NECAB1: variants seen among roughly 807,000 people sequenced by gnomAD.
The protein encoded by NECAB1 is N-terminal EF-hand calcium-binding protein 1.
A neutral mutation model predicts 57.5 loss-of-function variants in NECAB1; 29 were observed. That is an observed-to-expected ratio of 0.50 (90% CI 0.38 to 0.69). The LOEUF (loss-of-function observed/expected upper bound fraction) is 0.69. Ranked by LOEUF, NECAB1 falls within the 30% of genes least tolerant of loss-of-function variation. NECAB1 has a pLI of 0.00. For synonymous variants in NECAB1, 142 were observed against 147.7 expected, an observed-to-expected ratio of 0.96 and a Z score of 0.28; for missense variants, 372 against 413.8, an observed-to-expected ratio of 0.90 and a Z score of 0.88.
intron 8 of NECAB1, among the ~76,000 whole-genome samples, chr8:90,933,953 C>T (rs548766680): frequency 3.9e-5 from 6 of 152,200 alleles, no homozygotes; most frequent in African/African-American, 1.4e-4. Context: ...ATAAAGCAGA[C>T]TGTTAGGCTT....
intron 2 of NECAB1, chr8:90,806,418 A>G (rs760270560): frequency 1.3e-5 from 2 of 152,256 alleles, no homozygotes; most frequent in Non-Finnish European, 2.9e-5. Flanking sequence ...ATGCATAACC[A>G]ACAATTTCAC....
At chr8:90,889,734 C>G (rs1175830125) in intron 5 of NECAB1, among the ~76,000 whole-genome samples, 1 of 152,192 alleles carries the variant, frequency 6.6e-6, no homozygotes, top group Non-Finnish European at 1.5e-5. Context: ...CTGGCTTTCT[C>G]TAAAGAAGTG....
At chr8:90,952,860 T>G (rs1378998532) in intron 12 of NECAB1, among the ~76,000 whole-genome samples, 1 of 152,044 alleles carries the variant, frequency 6.6e-6, no homozygotes, top group Non-Finnish European at 1.5e-5. Context: ...TAAATATGAC[T>G]GCTGCAAGCT....
intron 5 of NECAB1, among the ~76,000 whole-genome samples, chr8:90,895,426 C>G (rs1293236153): frequency 6.6e-6 from 1 of 152,116 alleles, no homozygotes; most frequent in Non-Finnish European, 1.5e-5. Flanking sequence ...AAGAAACAAA[C>G]CAAAGGCATG....
intron 9 of NECAB1, among the ~76,000 whole-genome samples, chr8:90,938,367 TGC>T (rs763115190): frequency 2.6e-5 from 4 of 152,134 alleles, no homozygotes; most frequent in Non-Finnish European, 5.9e-5. Flanking sequence ...CATGACAGAG[TGC>T]TCTGAGCTAA....
intron 3 of NECAB1, 99 bp from the exon 4 acceptor site, chr8:90,872,029 T>C (rs1808630096): frequency 8.0e-6 from 7 of 880,222 alleles, no homozygotes; most frequent in Non-Finnish European, 1.2e-5. Flanking sequence ...CATCAATTAA[T>C]AATATAGCTT....
chr8:90,796,219 T>A (rs1811659193), intron 1 of NECAB1, among the ~76,000 whole-genome samples: 1 of 152,122 alleles, frequency 6.6e-6, no homozygotes, highest in South Asian at 2.1e-4. Context: ...CCCACCCTGG[T>A]AATGGGAGAG....
At chr8:90,900,190 A>G (rs1809466825) in intron 5 of NECAB1, among the ~76,000 whole-genome samples, 1 of 152,174 alleles carries the variant, frequency 6.6e-6, no homozygotes, top group Admixed American at 6.6e-5. Flanking sequence ...GTCTTTATAT[A>G]CCAATATGGG....
At chr8:90,847,993 C>T (rs1298115972) in intron 3 of NECAB1, among the ~76,000 whole-genome samples, 1 of 152,226 alleles carries the variant, frequency 6.6e-6, no homozygotes, top group East Asian at 1.9e-4. Flanking sequence ...GTTACTTATG[C>T]AAATTTCTGT....
chr8:90,880,523 A>G (rs1341813330), intron 4 of NECAB1, among the ~76,000 whole-genome samples: 2 of 127,514 alleles, frequency 1.6e-5, no homozygotes, highest in Non-Finnish European at 3.1e-5. Context: ...TTCTCTGCCC[A>G]AATTGTTGGA....
intron 4 of NECAB1, among the ~76,000 whole-genome samples, chr8:90,873,721 G>C (rs145070551): frequency 6.6e-6 from 1 of 152,228 alleles, no homozygotes; most frequent in African/African-American, 2.4e-5. Context: ...ACACTAAGTG[G>C]TTCTTCTTTA....
chr8:90,864,639 T>C (rs1309292936), intron 3 of NECAB1, among the ~76,000 whole-genome samples: 1 of 151,942 alleles, frequency 6.6e-6, no homozygotes, highest in Non-Finnish European at 1.5e-5. Context: ...TTCTAAAGAT[T>C]TGGGGTCATT....
intron 4 of NECAB1, among the ~76,000 whole-genome samples, chr8:90,875,313 C>T (rs1430102174): frequency 6.6e-6 from 1 of 150,494 alleles, no homozygotes; most frequent in African/African-American, 2.4e-5. Context: ...AACCCCGTCT[C>T]TACTAAAAAT....
At chr8:90,931,962 T>G (rs1191061216) in intron 8 of NECAB1, among the ~76,000 whole-genome samples, 1 of 151,992 alleles carries the variant, frequency 6.6e-6, no homozygotes, top group Non-Finnish European at 1.5e-5. Flanking sequence ...ACCCCACCTT[T>G]AATGTTAAAC....
chr8:90,837,388 T>C (rs1281238901), intron 3 of NECAB1, among the ~76,000 whole-genome samples: 1 of 152,366 alleles, frequency 6.6e-6, no homozygotes, highest in African/African-American at 2.4e-5. Context: ...AGGTATTGTA[T>C]ACAGTGTGGT....
In NECAB1 at chr8:90,793,503, A is replaced by G. The variant is rs564318616; in HGVS notation, c.99+1518A>G. ...TGGCTTGGGTCAGTCAGATGGTATT[A>G]TTGGTGCTCATGGCTTAACGGGCTG... On this transcript the variant is annotated intron_variant, in intron 1 of 12. Transcript: ENST00000417640. 4.4e-4 allele frequency among the ~76,000 whole-genome samples: 67 copies of G among 152,246 alleles called. 1 individual carries two copies. In the South Asian group the frequency reaches 6.6e-3, roughly 15 times the overall value.
intron 7 of NECAB1, among the ~76,000 whole-genome samples, chr8:90,925,935 T>C (rs1810257010): frequency 6.6e-6 from 1 of 152,132 alleles, no homozygotes; most frequent in South Asian, 2.1e-4. Context: ...CTAAAAGACT[T>C]GACGTCTATA....
chr8:90,896,246 A>G (rs947746400), intron 5 of NECAB1, among the ~76,000 whole-genome samples: 3 of 152,222 alleles, frequency 2.0e-5, no homozygotes, highest in Non-Finnish European at 4.4e-5. Context: ...AAGTTTGAAA[A>G]GAAAGCTGTA....
intron 3 of NECAB1, among the ~76,000 whole-genome samples, chr8:90,829,458 C>G (rs1383387729): frequency 1.3e-5 from 2 of 151,982 alleles, no homozygotes; most frequent in Admixed American, 6.6e-5. Flanking sequence ...AACCAATTTT[C>G]CCAGCACACT....
Sources: gnomAD v4.1 joint callset for allele counts (sites outside exome capture counted in the v4.1 genomes callset) on GRCh38, gnomAD v4.1.1 for gene constraint, MANE v1.5 for transcripts, NCBI Gene and HGNC (gene_info 2026-07-23, HGNC 2026-07-21) for gene names.